MYO5B: variants seen among roughly 807,000 people sequenced by gnomAD.
MYO5B encodes unconventional myosin-Vb.
In MYO5B, 143 loss-of-function variants were observed where a neutral mutation model predicts 229.3. The ratio of observed to expected loss-of-function variants is 0.62; its 90% CI spans 0.54 to 0.72. The LOEUF (loss-of-function observed/expected upper bound fraction) is 0.72, where lower values mean the gene tolerates loss of function less well. Ranked by LOEUF, MYO5B falls within the 30% of genes least tolerant of loss-of-function variation. The pLI is 0.00. For synonymous variants in MYO5B, 918 were observed against 885.2 expected, an observed-to-expected ratio of 1.04 and a Z score of -0.66; for missense variants, 2,321 against 2,331.0, an observed-to-expected ratio of 1.00 and a Z score of 0.09.
At chr18:49,922,592 T>C (rs1598884635) in intron 17 of MYO5B, among the ~76,000 whole-genome samples, 1 of 151,948 alleles carries the variant, frequency 6.6e-6, no homozygotes, top group African/African-American at 2.4e-5. Context: ...AAATAGCAGT[T>C]TGGGGAGGGA....
At chr18:50,157,456 C>T (rs1485987550) in intron 1 of MYO5B, among the ~76,000 whole-genome samples, 5 of 152,118 alleles carry the variant, frequency 3.3e-5, no homozygotes, top group Admixed American at 6.5e-5. Flanking sequence ...CTCTCTCAAA[C>T]GCTCCCCTAT....
At chr18:49,983,872 G>C (rs1234846402) in intron 8 of MYO5B, among the ~76,000 whole-genome samples, 1 of 152,140 alleles carries the variant, frequency 6.6e-6, no homozygotes, top group Non-Finnish European at 1.5e-5. Context: ...GTTTGACCAT[G>C]TTTTATTTGG....
Position 49,974,365 on chromosome 18 carries a change from A to G in MYO5B, c.1307T>C (p.Val436Ala), listed in dbSNP as rs777901615. 2 of 1,614,130 alleles carry G rather than the reference A, an allele frequency of 1.2e-6. No homozygotes were observed. ...GCAGGCCTACCCATAGATGTCCAGG[A>G]CCCCGATGAAGGAGTGCTGCTTGAG... is the stretch of plus-strand genomic sequence containing the variant. The part of the protein sequence containing the change: ...TSLKQHSFIG[V>A]LDIYGFETFE... The change falls in exon 10 of 40, where the codon GTC becomes GCC. Residue 436 changes from valine (V) to alanine (A), a missense_variant. Around this residue, in one of 2 missense-constraint regions of MYO5B, gnomAD observed 2,113 missense variants for 2,044.7 expected, o/e 1.03. Coordinates refer to ENST00000285039, the MANE Select transcript of MYO5B (RefSeq NM_001080467.3).
At chr18:49,849,099 G>A (rs186159034) in intron 32 of MYO5B, among the ~76,000 whole-genome samples, 9 of 152,138 alleles carry the variant, frequency 5.9e-5, no homozygotes, top group Admixed American at 5.9e-4. Context: ...GAGTCAGAGG[G>A]AGAGAACATT....
chr18:50,112,279 G>A (rs772704430), intron 1 of MYO5B, among the ~76,000 whole-genome samples: 5 of 152,138 alleles, frequency 3.3e-5, no homozygotes, highest in Non-Finnish European at 5.9e-5. Flanking sequence ...TAACTGTAGC[G>A]AACCAACAAA....
chr18:50,023,555 G>A (rs546273723), intron 4 of MYO5B, among the ~76,000 whole-genome samples: 101 of 152,242 alleles, frequency 6.6e-4, no homozygotes, highest in African/African-American at 1.8e-3. Flanking sequence ...GCTCAATTAC[G>A]GAAGCCACAT....
intron 36 of MYO5B, among the ~76,000 whole-genome samples, chr18:49,838,902 C>T (rs758034008): frequency 6.6e-6 from 1 of 152,118 alleles, no homozygotes; most frequent in Non-Finnish European, 1.5e-5. Flanking sequence ...GGAAAAAATA[C>T]AACATATTAC....
intron 4 of MYO5B, among the ~76,000 whole-genome samples, chr18:50,012,908 T>C (rs2026178076): frequency 6.6e-6 from 1 of 152,190 alleles, no homozygotes; most frequent in Admixed American, 6.5e-5. Flanking sequence ...TTGAAAACAA[T>C]CTGCTTCAGA....
rs569647362 is a variant in MYO5B, at chr18:49,887,842, G to A, written c.3045+7099C>T. On this transcript the variant is annotated intron_variant, in intron 22 of 39. Transcript: ENST00000285039. The stretch of plus-strand genomic sequence containing the variant: ...ATTACAGGCATGCACCACCAAGCCC[G>A]GCTAATTTTTTTTTTGTTGTATTTT... Among the ~76,000 whole-genome samples, 8 of 98,920 alleles carry A rather than the reference G, an allele frequency of 8.1e-5. 1 individual carries two copies. The South Asian group carries it at 1.6e-3, about 20-fold the overall frequency. The allele number at this position is 98,920 out of a possible 152,430, so 64.9% of individuals were successfully genotyped here.
intron 11 of MYO5B, 104 bp from the exon 12 acceptor site, chr18:49,962,510 C>T: frequency 1.3e-6 from 2 of 1,496,456 alleles, no homozygotes; most frequent in Admixed American, 1.7e-5. Context: ...CAGCAGAGAA[C>T]TGCCAGATAA....
At chr18:50,165,944 A>G (rs2032845119) in intron 1 of MYO5B, among the ~76,000 whole-genome samples, 1 of 152,234 alleles carries the variant, frequency 6.6e-6, no homozygotes, top group African/African-American at 2.4e-5. Context: ...AGAGAGTTCT[A>G]GTTACAAGGC....
At chr18:50,176,390 T>C (rs1467983946) in intron 1 of MYO5B, among the ~76,000 whole-genome samples, 1 of 152,224 alleles carries the variant, frequency 6.6e-6, no homozygotes, top group African/African-American at 2.4e-5. Flanking sequence ...GAAGTTATTT[T>C]TTCTCATTTT....
intron 7 of MYO5B, among the ~76,000 whole-genome samples, chr18:49,986,947 G>A (rs893331379): frequency 6.6e-6 from 1 of 152,090 alleles, no homozygotes; most frequent in Non-Finnish European, 1.5e-5. Context: ...TCATGATTTT[G>A]CCACAAATAC....
intron 17 of MYO5B, among the ~76,000 whole-genome samples, chr18:49,915,419 G>T (rs1361781394): frequency 1.3e-5 from 2 of 152,202 alleles, no homozygotes; most frequent in Non-Finnish European, 2.9e-5. Context: ...TCAGCTCAGA[G>T]CTCATGAGTC....
intron 1 of MYO5B, among the ~76,000 whole-genome samples, chr18:50,150,340 C>A (rs1421731893): frequency 6.9e-6 from 1 of 145,702 alleles, no homozygotes; most frequent in Non-Finnish European, 1.5e-5. Flanking sequence ...TGGGTATATA[C>A]CCAAAGGACT....
intron 4 of MYO5B, among the ~76,000 whole-genome samples, chr18:50,015,004 T>G (rs1402460316): frequency 6.6e-6 from 1 of 152,196 alleles, no homozygotes; most frequent in Non-Finnish European, 1.5e-5. Flanking sequence ...GGAAGTCTCC[T>G]GGAATTGGGG....
chr18:50,070,393 G>T (rs562655322), intron 1 of MYO5B, among the ~76,000 whole-genome samples: 1 of 152,124 alleles, frequency 6.6e-6, no homozygotes, highest in African/African-American at 2.4e-5. Flanking sequence ...TAGACTGCTT[G>T]CTTCTAGAGC....
chr18:49,993,378 C>T (rs1389567088), intron 5 of MYO5B, among the ~76,000 whole-genome samples: 2 of 151,888 alleles, frequency 1.3e-5, no homozygotes, highest in Non-Finnish European at 2.9e-5. Context: ...CCCAAAACCA[C>T]GATGCCCGGC....
intron 17 of MYO5B, among the ~76,000 whole-genome samples, chr18:49,923,644 A>G (rs1297665690): frequency 6.6e-6 from 1 of 152,152 alleles, no homozygotes; most frequent in Non-Finnish European, 1.5e-5. Flanking sequence ...CTGCCTGAGC[A>G]TGGTCTATGG....
Sources: allele counts gnomAD v4.1 joint callset (sites outside exome capture counted in the v4.1 genomes callset), GRCh38; gene constraint gnomAD v4.1.1; regional missense constraint gnomAD v4.1.1; transcripts MANE v1.5; gene names NCBI Gene and HGNC (gene_info 2026-07-23, HGNC 2026-07-21).